Variants in PHF11 observed in about 807,000 individuals in gnomAD.
PHF11 encodes the protein BRCA1 C-terminus-associated protein.
Under a neutral mutation model 40.5 loss-of-function variants are expected in PHF11, and 38 were observed. The observed-to-expected ratio is 0.94, with a 90% CI of 0.72 to 1.23. The LOEUF (loss-of-function observed/expected upper bound fraction) is 1.23, where lower values mean the gene tolerates loss of function less well. Ranked by LOEUF, PHF11 falls within the 50% of genes most tolerant of loss-of-function variation. The pLI, the probability that PHF11 is intolerant of heterozygous loss-of-function variation, is 0.00. For synonymous variants in PHF11, 127 were observed against 138.2 expected (o/e 0.92, Z 0.57); for missense variants, 369 against 392.4 (o/e 0.94, Z 0.50).
chr13:49,508,186 G>T (rs796587599), intron 2 of PHF11, among the ~76,000 whole-genome samples: 2 of 142,986 alleles, frequency 1.4e-5, no homozygotes, highest in East Asian at 2.1e-4. Context: ...TATTAATGCA[G>T]TATGTATTAA....
rs1036363546 is a variant in PHF11 at position 49,517,885 on chromosome 13, G to T, written c.325-133G>T. On this transcript the variant is annotated intron_variant, in intron 3 of 9. Transcript: ENST00000378319. The stretch of plus-strand genomic sequence containing the variant: ...TACTGTACCCTAATGTTTGTAACGG[G>T]ATGGAATCTTGCTGATGATGCCCAG... The T allele has an allele frequency of 5.1e-6, 3 of 589,988 alleles. No individual in the cohort carries two copies. The East Asian group carries it at 8.6e-5, about 17-fold the overall frequency. The allele number at this position is 589,988 out of a possible 1,614,324, so 36.5% of individuals were successfully genotyped here. A position where few individuals can be genotyped will look rare whatever the true frequency, so the allele number is the denominator to read the frequency against.
intron 1 of PHF11, 88 bp downstream of exon 1, chr13:49,496,183 A>C (rs1250399562): frequency 2.4e-6 from 2 of 847,424 alleles, no homozygotes; most frequent in Non-Finnish European, 3.2e-6. Context: ...TCGTGGCCGC[A>C]TGGGGGCCCG....
Position 49,523,169 on chromosome 13 carries a change from T to G in PHF11, c.571-6T>G. On this transcript the variant is annotated splice_polypyrimidine_tract_variant and splice_region_variant and intron_variant, in intron 6 of 9. Coordinates refer to ENST00000378319, the MANE Select transcript of PHF11 (RefSeq NM_001040443.3). ...AATGTAATGCAATCTTGATTTTCTC[T>G]CCTAGCCACCCGAAACAATGAAATG... 1 of 1,593,968 alleles carries G rather than the reference T, an allele frequency of 6.3e-7. No individual in the cohort carries two copies. Among genetic ancestry groups the G allele is most frequent in the Non-Finnish European group, 8.6e-7 (1 of 1,161,620 alleles).
At chr13:49,507,369 C>G (rs576885181) in intron 2 of PHF11, among the ~76,000 whole-genome samples, 1 of 152,072 alleles carries the variant, frequency 6.6e-6, no homozygotes, top group African/African-American at 2.4e-5. Flanking sequence ...ATATGATGTT[C>G]GATTTCATGA....
At chr13:49,496,393 G>A in intron 1 of PHF11, 2 of 1,129,526 alleles carry the variant, frequency 1.8e-6, no homozygotes, top group Non-Finnish European at 2.2e-6. Context: ...GCGGGTGACA[G>A]CCCAGTGCTT....
chr13:49,521,553 T>A, intron 5 of PHF11: 1 of 901,534 alleles, frequency 1.1e-6, no homozygotes, highest in Non-Finnish European at 1.3e-6. Context: ...GTCGTTACCC[T>A]TTTAACTCAG....
chr13:49,515,455 TACACACACACACACACACACAC>T (rs61316360), intron 3 of PHF11, among the ~76,000 whole-genome samples: 85 of 137,696 alleles, frequency 6.2e-4, no homozygotes, highest in South Asian at 3.0e-3. Context: ...CCATCTCCTA[TACACACACACACACACACACAC>T]ACACACACAC....
chr13:49,522,643 G>A (rs1026712687), intron 6 of PHF11, among the ~76,000 whole-genome samples: 17 of 151,910 alleles, frequency 1.1e-4, no homozygotes, highest in African/African-American at 3.6e-4. Flanking sequence ...ATTCATATGC[G>A]CCAGCAACCT....
intron 5 of PHF11, among the ~76,000 whole-genome samples, chr13:49,521,746 A>G (rs1160427364): frequency 6.6e-6 from 1 of 152,132 alleles, no homozygotes; most frequent in African/African-American, 2.4e-5. Context: ...CTTTTCACCA[A>G]TTATATTTGT....
chr13:49,515,555 C>G lies in PHF11; in HGVS notation c.324+2389C>G, dbSNP rs187771395. Among the ~76,000 whole-genome samples the G allele has an allele frequency of 1.5e-3, 228 of 151,708 alleles. 2 individuals carry two copies. Among genetic ancestry groups the G allele is most frequent in the South Asian group, 4.2e-4 (2 of 4,796 alleles). On this transcript the variant is annotated intron_variant, in intron 3 of 9. Transcript: ENST00000378319. Reference sequence around the variant, plus strand: ...AACAGCACTATCATTATCCATTTGCCCAAGCCAGAAGTCTAAGGACTCTCT... The same window carrying G: ...AACAGCACTATCATTATCCATTTGCGCAAGCCAGAAGTCTAAGGACTCTCT...
At chr13:49,512,869 G>A (rs973309577) in intron 2 of PHF11, among the ~76,000 whole-genome samples, 190 bp from the exon 3 acceptor site, 2 of 152,112 alleles carry the variant, frequency 1.3e-5, no homozygotes, top group Non-Finnish European at 2.9e-5. Context: ...AAACATGCCC[G>A]GAAACCAGGG....
At chr13:49,522,348 A>G (rs1336204673) in intron 6 of PHF11, among the ~76,000 whole-genome samples, 1 of 152,214 alleles carries the variant, frequency 6.6e-6, no homozygotes, top group East Asian at 1.9e-4. Context: ...ATGAGCATGA[A>G]AATGAAGCTG....
intron 1 of PHF11, among the ~76,000 whole-genome samples, chr13:49,504,801 A>G (rs1210008888): frequency 1.1e-4 from 16 of 151,820 alleles, no homozygotes; most frequent in East Asian, 9.7e-4. Context: ...AAGATTGAGA[A>G]ATCGGATGGT....
chr13:49,504,627 C>T (rs867795332), intron 1 of PHF11, among the ~76,000 whole-genome samples: 823 of 147,204 alleles, frequency 5.6e-3, no homozygotes, highest in Non-Finnish European at 9.3e-3. Flanking sequence ...GCCGCCCCGT[C>T]CGGGAGGTGA....
intron 8 of PHF11, chr13:49,526,168 C>CAAAAAAAA (rs10573458): frequency 1.1e-4 from 36 of 341,182 alleles, no homozygotes; most frequent in South Asian, 1.6e-4. Context: ...GATTCTGTCT[C>CAAAAAAAA]AAAAAAAAAA....
chr13:49,504,455 A>T (rs1315713125), intron 1 of PHF11, among the ~76,000 whole-genome samples: 1 of 149,280 alleles, frequency 6.7e-6, no homozygotes, highest in African/African-American at 2.5e-5. Flanking sequence ...GACTCTGTCT[A>T]AAAAAAAAGA....
chr13:49,524,290 G>GA (rs79548641), intron 8 of PHF11, 74 bp downstream of exon 8: 63,927 of 732,804 alleles, frequency 0.087, no homozygotes, highest in Middle Eastern at 0.11. Context: ...ACAAACCCAA[G>GA]AAAAAAAAAA....
intron 5 of PHF11, chr13:49,521,229 G>A: frequency 1.9e-6 from 2 of 1,070,722 alleles, no homozygotes; most frequent in Non-Finnish European, 2.3e-6. Context: ...TTGACTTTTG[G>A]GACTGCTTCT....
chr13:49,497,820 G>A (rs1366301014), intron 1 of PHF11, among the ~76,000 whole-genome samples: 1 of 152,106 alleles, frequency 6.6e-6, no homozygotes, highest in Non-Finnish European at 1.5e-5. Context: ...GGTCCTCTAA[G>A]CCACCAAAGC....
Sources: gnomAD v4.1 joint callset for allele counts (sites outside exome capture counted in the v4.1 genomes callset) on GRCh38, gnomAD v4.1.1 for gene constraint, MANE v1.5 for transcripts, NCBI Gene and HGNC (gene_info 2026-07-23, HGNC 2026-07-21) for gene names.